The following KLRG1 variants were observed in gnomAD, a reference collection of about 807,000 sequenced individuals.
The protein encoded by KLRG1 is killer cell lectin-like receptor subfamily G member 1.
KLRG1 carries 16 observed loss-of-function variants against 21.8 expected under a neutral mutation model. That is an observed-to-expected ratio of 0.73 (90% CI 0.50 to 1.11). The LOEUF is 1.11. KLRG1 is among the 50% of genes most tolerant of loss of function. The pLI is 0.00. For missense variants in KLRG1, 173 were observed against 218.3 expected, an observed-to-expected ratio of 0.79 and a Z score of 1.31; for synonymous variants, 69 against 75.9, an observed-to-expected ratio of 0.91 and a Z score of 0.47.
chr12:9,160,914 C>CAA, the KLRG1 span: 634 of 654,496 alleles, frequency 9.7e-4, no homozygotes, highest in Non-Finnish European at 1.1e-3. Flanking sequence ...GACTCCATCT[C>CAA]AAAAAAATAA....
chr12:9,169,607 G>C, the KLRG1 span: 1 of 1,574,010 alleles, frequency 6.4e-7, no homozygotes, highest in Non-Finnish European at 8.6e-7. Context: ...GCAGTGGGGG[G>C]ATCAAAGGCA....
At chr12:9,166,307 G>T in the KLRG1 span, 1 of 1,039,764 alleles carries the variant, frequency 9.6e-7, no homozygotes, top group Non-Finnish European at 1.4e-6. Flanking sequence ...TGCTCAGACT[G>T]TCCTAAAAGT....
the KLRG1 span, chr12:9,196,321 A>G: frequency 6.3e-6 from 10 of 1,583,134 alleles, no homozygotes; most frequent in South Asian, 1.1e-5. Flanking sequence ...GCATTACAAC[A>G]TATCTTACCT....
At chr12:9,119,418 T>G in the KLRG1 span, among the ~76,000 whole-genome samples, 52 of 152,222 alleles carry the variant, frequency 3.4e-4, no homozygotes, top group African/African-American at 1.2e-3. Context: ...TGATTGATTT[T>G]TTTTTTCTGC....
the KLRG1 span, among the ~76,000 whole-genome samples, chr12:9,203,134 T>C: frequency 6.6e-6 from 1 of 152,144 alleles, no homozygotes; most frequent in Non-Finnish European, 1.5e-5. Context: ...TTCTAGGAAA[T>C]GTCCAGCCCG....
the KLRG1 span, chr12:9,028,847 C>T: frequency 1.6e-6 from 1 of 640,472 alleles, no homozygotes; most frequent in Non-Finnish European, 2.9e-6. Context: ...TTCCACAAAT[C>T]TTCCATCCAC....
chr12:9,162,247 C>T, the KLRG1 span: 1 of 182,704 alleles, frequency 5.5e-6, no homozygotes, highest in Non-Finnish European at 1.1e-5. Context: ...CAAATGTGAG[C>T]CACCACACCC....
the KLRG1 span, among the ~76,000 whole-genome samples, chr12:9,145,811 G>T: frequency 6.6e-6 from 1 of 152,114 alleles, no homozygotes; most frequent in Non-Finnish European, 1.5e-5. Flanking sequence ...GGTTTCCCAG[G>T]TATAGTATTC....
At chr12:9,151,636 T>A in the KLRG1 span, 116 of 1,613,854 alleles carry the variant, frequency 7.2e-5, no homozygotes, top group Non-Finnish European at 9.4e-5. Context: ...TGGTTGTTGC[T>A]CACTTCTGTC....
the KLRG1 span, among the ~76,000 whole-genome samples, chr12:9,021,179 G>A: frequency 6.6e-6 from 1 of 152,136 alleles, no homozygotes; most frequent in Non-Finnish European, 1.5e-5. Flanking sequence ...CGGTACACCG[G>A]TATATGACAC....
intron 3 of KLRG1, among the ~76,000 whole-genome samples, chr12:9,004,667 G>C (rs1423372138): frequency 1.3e-5 from 2 of 152,198 alleles, no homozygotes; most frequent in Admixed American, 1.3e-4. Flanking sequence ...TTTTCGTAAA[G>C]ATAGAGTGTT....
the KLRG1 span, chr12:9,116,186 ACTC>A: frequency 1.2e-3 from 400 of 328,972 alleles, 3 homozygotes; most frequent in Admixed American, 1.9e-3. Flanking sequence ...CTCCCCCACA[ACTC>A]CTCACAACGC....
chr12:9,146,099 A>G, the KLRG1 span, among the ~76,000 whole-genome samples: 1 of 152,060 alleles, frequency 6.6e-6, no homozygotes, highest in Non-Finnish European at 1.5e-5. Context: ...CATTATTTCT[A>G]TGAATAAGTT....
the KLRG1 span, chr12:9,104,190 T>C: frequency 1.3e-6 from 2 of 1,575,478 alleles, no homozygotes; most frequent in Non-Finnish European, 1.7e-6. Context: ...GGTTGCAACC[T>C]TGTTTCCAAG....
At chr12:9,112,669 T>C in the KLRG1 span, 1 of 939,982 alleles carries the variant, frequency 1.1e-6, no homozygotes. Flanking sequence ...CAGGGAAAGT[T>C]GGCATGGACA....
intron 1 of KLRG1, among the ~76,000 whole-genome samples, chr12:8,980,976 T>C (rs1453809322): frequency 6.6e-6 from 1 of 152,210 alleles, no homozygotes; most frequent in Non-Finnish European, 1.5e-5. Flanking sequence ...GTTACACAGG[T>C]AAAATGCTTT....
chr12:9,113,423 TC>T, the KLRG1 span: 1 of 1,613,544 alleles, frequency 6.2e-7, no homozygotes, highest in Non-Finnish European at 8.5e-7. Context: ...GGCTCCTGTT[TC>T]CCCTGACAGA....
chr12:9,190,648 G>A, the KLRG1 span, among the ~76,000 whole-genome samples: 6 of 152,000 alleles, frequency 3.9e-5, no homozygotes, highest in African/African-American at 1.5e-4. Flanking sequence ...CCCATGACAC[G>A]AGTTTACCTA....
the KLRG1 span, among the ~76,000 whole-genome samples, chr12:9,163,187 C>T: frequency 1.3e-4 from 19 of 151,196 alleles, no homozygotes; most frequent in Admixed American, 9.9e-4. Flanking sequence ...CAAGAAATTG[C>T]GCTCAATGTA....
Sources: gnomAD v4.1 joint callset for allele counts (sites outside exome capture counted in the v4.1 genomes callset) on GRCh38, gnomAD v4.1.1 for gene constraint, MANE v1.5 for transcripts, NCBI Gene and HGNC (gene_info 2026-07-23, HGNC 2026-07-21) for gene names.